The following BCL2L1 variants were observed in gnomAD, a reference collection of about 807,000 sequenced individuals.
BCL2L1 encodes the protein bcl-2-like protein 1.
Under a neutral mutation model 18.7 loss-of-function variants are expected in BCL2L1, and 1 was observed. The ratio of observed to expected loss-of-function variants is 0.05; its 90% CI spans 0.02 to 0.25. The LOEUF (loss-of-function observed/expected upper bound fraction) is 0.25, where lower values mean the gene tolerates loss of function less well. Ranked by LOEUF, BCL2L1 falls within the 10% of genes least tolerant of loss-of-function variation. BCL2L1 has a pLI of 1.00. For synonymous variants in BCL2L1, 103 were observed against 122.7 expected (o/e 0.84, Z 1.06); for missense variants, 207 against 304.9 (o/e 0.68, Z 2.39).
At chr20:31,723,325 G>T, upstream of BCL2L1, 1 of 985,696 alleles carries the variant, frequency 1.0e-6, no homozygotes, top group Non-Finnish European at 1.2e-6. Context: ...GACTGGGTGA[G>T]GGTGAGGCGC....
chr20:31,667,483 C>CTGTGTGTGTGTGTGTGTGTG (rs2060605165), intron 2 of BCL2L1, among the ~76,000 whole-genome samples: 1 of 64,092 alleles, frequency 1.6e-5, no homozygotes, highest in African/African-American at 2.2e-4. Context: ...TACCATAGTA[C>CTGTGTGTGTGTGTGTGTGTG]CGTGTGTGTG....
chr20:31,691,520 A>AAAAATAAAATAAAAT (rs143142638), intron 2 of BCL2L1, among the ~76,000 whole-genome samples: 3,001 of 144,626 alleles, frequency 0.021, 114 homozygotes, highest in African/African-American at 0.074. Context: ...TCTCAAAATA[A>AAAAATAAAATAAAAT]AAAATAAAAT....
intron 2 of BCL2L1, among the ~76,000 whole-genome samples, chr20:31,710,078 A>G (rs368893710): frequency 6.6e-6 from 1 of 152,124 alleles, no homozygotes. Context: ...TTGACTGAGT[A>G]TATCAGACAC....
At chr20:31,676,251 T>C (rs2060757782) in intron 2 of BCL2L1, among the ~76,000 whole-genome samples, 1 of 152,186 alleles carries the variant, frequency 6.6e-6, no homozygotes, top group Admixed American at 6.5e-5. Flanking sequence ...GGCATGGTGC[T>C]AAGTGCTTCG....
chr20:31,696,561 T>C (rs928498916), intron 2 of BCL2L1, among the ~76,000 whole-genome samples: 1 of 152,168 alleles, frequency 6.6e-6, no homozygotes, highest in African/African-American at 2.4e-5. Flanking sequence ...CGTACCAAGG[T>C]CTCCCAGTCA....
chr20:31,696,114 C>A (rs2061165011), intron 2 of BCL2L1, among the ~76,000 whole-genome samples: 1 of 152,182 alleles, frequency 6.6e-6, no homozygotes, highest in Admixed American at 6.5e-5. Context: ...CTGTCACCCA[C>A]CTTGGAATGT....
intron 2 of BCL2L1, among the ~76,000 whole-genome samples, chr20:31,675,662 G>A (rs1361880152): frequency 6.6e-6 from 1 of 152,156 alleles, no homozygotes; most frequent in Non-Finnish European, 1.5e-5. Flanking sequence ...TGGAGGCAGG[G>A]CAAAGAGAGG....
Position 31,665,768 on chromosome 20 carries a change from A to T in BCL2L1, c.*181T>A. The T allele has an allele frequency of 1.3e-6, 1 of 788,948 alleles. No individual in the cohort carries two copies. Among genetic ancestry groups the T allele is most frequent in the Non-Finnish European group, 2.0e-6 (1 of 508,970 alleles). 48.9% of individuals were successfully genotyped at this position (788,948 alleles called of 1,614,324 possible). On this transcript the variant is annotated 3_prime_UTR_variant, in exon 3 of 3. Coordinates refer to ENST00000307677, the MANE Select transcript of BCL2L1 (RefSeq NM_138578.3). ...AAGGGAACTGAGGTGTGGGGGTCTC[A>T]CAGAAGTGTGATAAATTCTAGAAAA... is the stretch of plus-strand genomic sequence containing the variant.
intron 2 of BCL2L1, among the ~76,000 whole-genome samples, chr20:31,685,525 G>GA (rs1368417579): frequency 2.0e-5 from 3 of 152,178 alleles, no homozygotes; most frequent in Non-Finnish European, 4.4e-5. Flanking sequence ...GTTCCGCACA[G>GA]AAAAAAGGCA....
rs186331391 is a variant in BCL2L1 at position 31,712,977 on chromosome 20, C to T, written c.564+8678G>A. ...GGAAGGCAGGCTCTGTTTCACTCCA[C>T]CCTTTATCATCAATTTCCAAGAGGC... On this transcript the variant is annotated intron_variant, in intron 2 of 2. Coordinates refer to ENST00000307677, the MANE Select transcript of BCL2L1 (RefSeq NM_138578.3). Among the ~76,000 whole-genome samples the T allele has an allele frequency of 1.7e-4, 26 of 152,230 alleles. 1 individual carries two copies. In the East Asian group the frequency reaches 4.5e-3, roughly 26 times the overall value.
intron 2 of BCL2L1, among the ~76,000 whole-genome samples, chr20:31,679,943 A>G (rs139175241): frequency 4.5e-4 from 69 of 152,244 alleles, no homozygotes; most frequent in African/African-American, 1.5e-3. Context: ...AGCCTCCCAA[A>G]GTGCTGGGAT....
chr20:31,720,742 C>G, intron 2 of BCL2L1: 1 of 984,784 alleles, frequency 1.0e-6, no homozygotes, highest in African/African-American at 1.7e-5. Flanking sequence ...GGTCACACAG[C>G]TAGTTACATG....
rs143142638 is a variant in BCL2L1, at chr20:31,691,520, A to AAAAATAAAATAAAATAAAAT, written c.565-25454_565-25435dup. Among the ~76,000 whole-genome samples, 717 of 144,640 alleles carry AAAAATAAAATAAAATAAAAT rather than the reference A, an allele frequency of 5.0e-3. 6 individuals are homozygous for AAAAATAAAATAAAATAAAAT. Among genetic ancestry groups the AAAAATAAAATAAAATAAAAT allele is most frequent in the African/African-American group, 0.018 (676 of 38,178 alleles). The allele number at this position is 144,640 out of a possible 152,430, so 94.9% of individuals were successfully genotyped here. A position where few individuals can be genotyped will look rare whatever the true frequency, so the allele number is the denominator to read the frequency against. On this transcript the variant is annotated intron_variant, in intron 2 of 2. Transcript: ENST00000307677. ...CAGAGCGAGACTCTATCTCAAAATA[A>AAAAATAAAATAAAATAAAAT]AAAATAAAATAAAATAAAATAAAAT...
chr20:31,721,363 T>G (rs2061626873), intron 2 of BCL2L1: 2 of 406,156 alleles, frequency 4.9e-6, no homozygotes, highest in Non-Finnish European at 8.8e-6. Context: ...GGTTTGGGAC[T>G]TAATGAACAC....
intron 2 of BCL2L1, among the ~76,000 whole-genome samples, chr20:31,697,892 G>GTTTTTTTTTTTTTTT (rs199575410): frequency 1.7e-4 from 22 of 129,640 alleles, no homozygotes; most frequent in African/African-American, 5.2e-4. Flanking sequence ...TGCTGTTGCT[G>GTTTTTTTTTTTTTTT]TTTTTTTTTT....
upstream of BCL2L1, chr20:31,723,578 G>A (rs2061670887): frequency 1.0e-6 from 1 of 984,422 alleles, no homozygotes; most frequent in African/African-American, 1.7e-5. Context: ...GCCCTCCCCC[G>A]GGGGCGCCCC....
intron 2 of BCL2L1, among the ~76,000 whole-genome samples, chr20:31,710,639 C>T (rs2061440772): frequency 6.6e-6 from 1 of 152,152 alleles, no homozygotes; most frequent in African/African-American, 2.4e-5. Flanking sequence ...AACTGGGTAG[C>T]TGATGGTGGA....
chr20:31,700,024 A>G (rs1018255563), intron 2 of BCL2L1, among the ~76,000 whole-genome samples: 2 of 152,148 alleles, frequency 1.3e-5, no homozygotes, highest in Non-Finnish European at 2.9e-5. Flanking sequence ...TGCTTCCTAG[A>G]TATTCCATTA....
At position 31,665,503 on chromosome 20, in the gene BCL2L1, T is replaced by G; in HGVS notation, c.*446A>C. On this transcript the variant is annotated 3_prime_UTR_variant, in exon 3 of 3. Coordinates refer to ENST00000307677, the MANE Select transcript of BCL2L1 (RefSeq NM_138578.3). Reference sequence around the variant, plus strand: ...GGAACCCAGGTTAGTGTGGGGAGAGTGGGGGGAAAATGATCAATTCTGAGG... The same window carrying G: ...GGAACCCAGGTTAGTGTGGGGAGAGGGGGGGGAAAATGATCAATTCTGAGG... 6.2e-6 allele frequency: 1 copy of G among 160,626 alleles called. No homozygotes were observed. Among genetic ancestry groups the G allele is most frequent in the Non-Finnish European group, 1.4e-5 (1 of 74,006 alleles). 10.0% of individuals were successfully genotyped at this position (160,626 alleles called of 1,614,324 possible). A position where few individuals can be genotyped will look rare whatever the true frequency, so the allele number is the denominator to read the frequency against.
Sources: gnomAD v4.1 joint callset for allele counts (sites outside exome capture counted in the v4.1 genomes callset) on GRCh38, gnomAD v4.1.1 for gene constraint, MANE v1.5 for transcripts, NCBI Gene and HGNC (gene_info 2026-07-23, HGNC 2026-07-21) for gene names.